The following SLC30A9 variants were observed in gnomAD, a reference collection of about 807,000 sequenced individuals.
The protein encoded by SLC30A9 is solute carrier family 30 member 9.
SLC30A9 carries 58 observed loss-of-function variants against 87.5 expected under a neutral mutation model. The observed-to-expected ratio is 0.66, with a 90% CI of 0.54 to 0.82. The LOEUF (loss-of-function observed/expected upper bound fraction) is 0.82, where lower values mean the gene tolerates loss of function less well. Ranked by LOEUF, SLC30A9 falls within the 40% of genes least tolerant of loss-of-function variation. The pLI is 0.00. For synonymous variants in SLC30A9, 234 were observed against 233.0 expected (o/e 1.00, Z -0.04); for missense variants, 557 against 679.1 (o/e 0.82, Z 2.00).
intron 9 of SLC30A9, among the ~76,000 whole-genome samples, chr4:42,049,821 T>C (rs1030230832): frequency 1.3e-5 from 2 of 152,176 alleles, no homozygotes; most frequent in African/African-American, 2.4e-5. Context: ...GTTAAAATGC[T>C]TTCACATTAG....
chr4:41,993,239 T>A (rs1414113364), intron 1 of SLC30A9, among the ~76,000 whole-genome samples: 3 of 151,606 alleles, frequency 2.0e-5, no homozygotes, highest in Non-Finnish European at 4.4e-5. Context: ...TATTTCAACA[T>A]GTAATCAATA....
At chr4:42,023,415 T>C (rs1269112814) in intron 6 of SLC30A9, 31 bp downstream of exon 6, 2 of 1,392,268 alleles carry the variant, frequency 1.4e-6, no homozygotes, top group Non-Finnish European at 2.0e-6. Flanking sequence ...GTCAAGTTAA[T>C]TGAAAAATAA....
chr4:41,996,751 C>A (rs556325763), intron 1 of SLC30A9, among the ~76,000 whole-genome samples: 25 of 151,626 alleles, frequency 1.6e-4, no homozygotes, highest in Non-Finnish European at 2.9e-4. Context: ...CAGAAAAACA[C>A]AGGTGGGTGC....
At chr4:42,015,981 T>C (rs1469089369) in intron 2 of SLC30A9, among the ~76,000 whole-genome samples, 1 of 152,152 alleles carries the variant, frequency 6.6e-6, no homozygotes, top group Admixed American at 6.5e-5. Flanking sequence ...ATGTTTAAAA[T>C]ACTAGCTGCG....
rs1719049993 is a variant in SLC30A9, at chr4:42,090,319, A to G, written c.*4193A>G. ...TGCATGTAAGTTTACTTGCATCCTTAGACTTGGCTTTATGCAAAAAGAAAA... is the reference window on the plus strand; with the variant it reads ...TGCATGTAAGTTTACTTGCATCCTTGGACTTGGCTTTATGCAAAAAGAAAA... On this transcript the variant is annotated 3_prime_UTR_variant, in exon 18 of 18. Transcript: ENST00000264451. 6.6e-6 allele frequency: 1 copy of G among 152,196 alleles called. No homozygotes were observed. Among genetic ancestry groups the G allele is most frequent in the Admixed American group, 6.5e-5 (1 of 15,288 alleles). 9.4% of individuals were successfully genotyped at this position (152,196 alleles called of 1,614,324 possible).
intron 14 of SLC30A9, among the ~76,000 whole-genome samples, chr4:42,067,938 G>A (rs1718148520): frequency 6.6e-6 from 1 of 152,182 alleles, no homozygotes; most frequent in African/African-American, 2.4e-5. Flanking sequence ...AATAACTGAT[G>A]TATGAAAGCG....
At chr4:42,044,799 G>A (rs1717076158) in intron 8 of SLC30A9, among the ~76,000 whole-genome samples, 1 of 152,110 alleles carries the variant, frequency 6.6e-6, no homozygotes, top group Non-Finnish European at 1.5e-5. Flanking sequence ...TTCTAATATT[G>A]ACCACATAAT....
chr4:41,994,383 TA>T (rs1714600938), intron 1 of SLC30A9, among the ~76,000 whole-genome samples: 1 of 151,992 alleles, frequency 6.6e-6, no homozygotes, highest in East Asian at 1.9e-4. Flanking sequence ...TCCTTTTTTA[TA>T]AAAAGTTCTT....
chr4:42,017,956 TG>T (rs1273866595), intron 2 of SLC30A9, among the ~76,000 whole-genome samples, 154 bp from the exon 3 acceptor site: 1 of 152,178 alleles, frequency 6.6e-6, no homozygotes, highest in African/African-American at 2.4e-5. Context: ...GCTTTTGTAA[TG>T]TTTAACTACT....
chr4:42,042,625 G>A (rs905358245), intron 8 of SLC30A9, among the ~76,000 whole-genome samples: 3 of 152,174 alleles, frequency 2.0e-5, no homozygotes, highest in African/African-American at 7.2e-5. Flanking sequence ...AAAACTTGGG[G>A]GTAGGGGCGG....
chr4:42,088,876 G>A lies in SLC30A9; in HGVS notation c.*2750G>A, dbSNP rs1719013035. ...GAGGATCACTTGAGCCCCAGAGGTC[G>A]AGGCTGCAATGAGCTATGATCATGC... On this transcript the variant is annotated 3_prime_UTR_variant, in exon 18 of 18. Coordinates refer to ENST00000264451, the MANE Select transcript of SLC30A9 (RefSeq NM_006345.4). The A allele has an allele frequency of 6.6e-6, 1 of 152,196 alleles. No homozygotes were observed. The highest frequency in any genetic ancestry group is 2.1e-4 in the South Asian group (1 of 4,824). The allele number at this position is 152,196 out of a possible 1,614,324, so 9.4% of individuals were successfully genotyped here. A position where few individuals can be genotyped will look rare whatever the true frequency, so the allele number is the denominator to read the frequency against.
intron 8 of SLC30A9, among the ~76,000 whole-genome samples, chr4:42,048,730 C>T (rs74324020): frequency 2.0e-5 from 3 of 152,066 alleles, no homozygotes; most frequent in African/African-American, 4.8e-5. Context: ...GTATCAGGTG[C>T]AGATCTGCTT....
At chr4:41,992,895 GT>G (rs1162131403) in intron 1 of SLC30A9, among the ~76,000 whole-genome samples, 1 of 152,056 alleles carries the variant, frequency 6.6e-6, no homozygotes, top group African/African-American at 2.4e-5. Flanking sequence ...AAAAACAGTT[GT>G]TTTTATTTGT....
Position 42,022,934 on chromosome 4 carries a change from A to G in SLC30A9, c.527+4A>G, listed in dbSNP as rs772062089. On this transcript the variant is annotated splice_donor_region_variant and intron_variant, in intron 5 of 17. Coordinates refer to ENST00000264451, the MANE Select transcript of SLC30A9 (RefSeq NM_006345.4). ...TGAGATCAGATGTGGAAGCAAAGTA[A>G]GAACATAGTTCTTTCAGAATAAAAG... The G allele has an allele frequency of 6.7e-7, 1 of 1,499,958 alleles. No homozygotes were observed. Among genetic ancestry groups the G allele is most frequent in the Non-Finnish European group, 9.1e-7 (1 of 1,098,452 alleles). The allele number at this position is 1,499,958 out of a possible 1,614,324, so 92.9% of individuals were successfully genotyped here.
At chr4:42,000,518 A>C (rs891520189) in intron 1 of SLC30A9, among the ~76,000 whole-genome samples, 2 of 152,124 alleles carry the variant, frequency 1.3e-5, no homozygotes, top group Non-Finnish European at 1.5e-5. Flanking sequence ...AGTTTCTCAA[A>C]TAAGTAAAAG....
chr4:41,993,704 AT>A (rs1714561576), intron 1 of SLC30A9, among the ~76,000 whole-genome samples: 1 of 152,184 alleles, frequency 6.6e-6, no homozygotes, highest in Non-Finnish European at 1.5e-5. Context: ...ACTCAAAAGG[AT>A]TTACTTTAAA....
intron 3 of SLC30A9, 148 bp downstream of exon 3, chr4:42,018,318 T>G: frequency 1.2e-6 from 1 of 819,086 alleles, no homozygotes; most frequent in African/African-American, 1.8e-5. Flanking sequence ...CCATAAGGAT[T>G]TATTCTCTTA....
intron 16 of SLC30A9, 122 bp from the exon 17 acceptor site, chr4:42,078,090 G>T (rs995785419): frequency 1.8e-6 from 1 of 558,568 alleles, no homozygotes; most frequent in Non-Finnish European, 3.2e-6. Flanking sequence ...GTGGCTTAAA[G>T]TTTTAAAAAT....
chr4:42,060,148 A>G (rs1291078614), intron 9 of SLC30A9, 43 bp from the exon 10 acceptor site: 35 of 1,472,346 alleles, frequency 2.4e-5, no homozygotes, highest in Non-Finnish European at 3.3e-5. Flanking sequence ...TATACTCTCC[A>G]TCTTGCTAAT....
Sources: allele counts gnomAD v4.1 joint callset (sites outside exome capture counted in the v4.1 genomes callset), GRCh38; gene constraint gnomAD v4.1.1; transcripts MANE v1.5; gene names NCBI Gene and HGNC (gene_info 2026-07-23, HGNC 2026-07-21).